The following ZNF148 variants were observed in gnomAD, a reference collection of about 807,000 sequenced individuals.
ZNF148 encodes Beta-Enolase Repressor Factor-1.
Under a neutral mutation model 67.7 loss-of-function variants are expected in ZNF148, and 7 were observed. That is an observed-to-expected ratio of 0.10 (90% CI 0.06 to 0.19). The LOEUF (loss-of-function observed/expected upper bound fraction) is 0.19. Ranked by LOEUF, ZNF148 falls within the 10% of genes least tolerant of loss-of-function variation. ZNF148 has a pLI of 1.00. For synonymous variants in ZNF148, 333 were observed against 330.7 expected (o/e 1.01, Z -0.08); for missense variants, 583 against 947.1 (o/e 0.62, Z 5.05).
chr3:125,349,038 A>G (rs1942047023), intron 1 of ZNF148, among the ~76,000 whole-genome samples: 1 of 152,242 alleles, frequency 6.6e-6, no homozygotes, highest in African/African-American at 2.4e-5. Context: ...GCTATATGAA[A>G]AAGAATTGAA....
chr3:125,293,992 G>A (rs1416093883), intron 4 of ZNF148, among the ~76,000 whole-genome samples: 1 of 152,138 alleles, frequency 6.6e-6, no homozygotes, highest in Admixed American at 6.5e-5. Flanking sequence ...GATAATCACA[G>A]TAAAGAAGGA....
At chr3:125,327,910 ATCC>A (rs908249418) in intron 2 of ZNF148, among the ~76,000 whole-genome samples, 1 of 152,176 alleles carries the variant, frequency 6.6e-6, no homozygotes, top group African/African-American at 2.4e-5. Context: ...TCTCATATGT[ATCC>A]TCCTATCAAA....
chr3:125,364,236 T>C (rs1056821649), intron 1 of ZNF148, among the ~76,000 whole-genome samples: 32 of 152,160 alleles, frequency 2.1e-4, no homozygotes, highest in Non-Finnish European at 4.3e-4. Flanking sequence ...CTGTCTCTAC[T>C]AAAAATGCAA....
At chr3:125,311,778 C>T (rs561002063) in intron 4 of ZNF148, among the ~76,000 whole-genome samples, 3 of 152,050 alleles carry the variant, frequency 2.0e-5, no homozygotes, top group Non-Finnish European at 2.9e-5. Flanking sequence ...TCACTATAAA[C>T]CCCTGGACAT....
chr3:125,321,996 CAA>C (rs990307279), intron 3 of ZNF148, among the ~76,000 whole-genome samples: 18 of 135,378 alleles, frequency 1.3e-4, no homozygotes, highest in Middle Eastern at 4.2e-3. Context: ...AGAACAACAA[CAA>C]AAAAGTTAAC....
At chr3:125,234,031 A>G (rs1935972252) in intron 8 of ZNF148, 92 bp from the exon 9 acceptor site, 1 of 1,428,348 alleles carries the variant, frequency 7.0e-7, no homozygotes, top group South Asian at 1.5e-5. Flanking sequence ...ATAAAGATAT[A>G]TTAATGCAAT....
In ZNF148 at chr3:125,270,302, T is replaced by C. The variant is rs1417494521; in HGVS notation, c.667+7424A>G. On this transcript the variant is annotated intron_variant, in intron 7 of 8. Transcript: ENST00000360647. ...TCGGAGGATCACTTGAGCCCAGGAG[T>C]TCCAGACCAGCCTGGGATACATAGG... 2.7e-5 allele frequency among the ~76,000 whole-genome samples: 4 copies of C among 150,148 alleles called. No homozygotes were observed. In the East Asian group the frequency reaches 7.9e-4, roughly 30 times the overall value.
chr3:125,295,962 G>A (rs1236607923), intron 4 of ZNF148, among the ~76,000 whole-genome samples: 1 of 151,858 alleles, frequency 6.6e-6, no homozygotes, highest in Non-Finnish European at 1.5e-5. Context: ...GTAACTGCTT[G>A]GATACACAAA....
chr3:125,306,797 T>C (rs1334791292), intron 4 of ZNF148, among the ~76,000 whole-genome samples: 2 of 151,980 alleles, frequency 1.3e-5, no homozygotes, highest in Non-Finnish European at 1.5e-5. Context: ...GAGGTTGAGA[T>C]TACAGTGAGC....
chr3:125,346,262 T>G (rs1191950455), intron 1 of ZNF148, among the ~76,000 whole-genome samples: 1 of 152,222 alleles, frequency 6.6e-6, no homozygotes, highest in East Asian at 1.9e-4. Context: ...AAACATTTGA[T>G]GAAATACAAC....
At chr3:125,342,606 C>A (rs932141225) in intron 1 of ZNF148, among the ~76,000 whole-genome samples, 1 of 150,650 alleles carries the variant, frequency 6.6e-6, no homozygotes, top group Non-Finnish European at 1.5e-5. Context: ...AAAAAAAAGT[C>A]TCTAGCACAC....
intron 4 of ZNF148, among the ~76,000 whole-genome samples, chr3:125,312,971 G>A (rs911020473): frequency 1.3e-5 from 2 of 152,074 alleles, no homozygotes; most frequent in African/African-American, 4.8e-5. Context: ...TTGAATGTGT[G>A]ATATTTTTCT....
chr3:125,249,274 G>C (rs1344490575), intron 7 of ZNF148, among the ~76,000 whole-genome samples: 6 of 152,098 alleles, frequency 3.9e-5, no homozygotes, highest in African/African-American at 1.4e-4. Flanking sequence ...TATTCATCAA[G>C]AAAAGCTAAT....
rs535660367 is a variant in ZNF148 at position 125,323,558 on chromosome 3, G to GT, written c.-152-115dup. 3.7e-3 allele frequency: 1,877 copies of GT among 505,772 alleles called. 5 individuals are homozygous for GT. The highest frequency in any genetic ancestry group is 4.7e-3 in the Non-Finnish European group (1,352 of 287,946). 31.3% of individuals were successfully genotyped at this position (505,772 alleles called of 1,614,324 possible). A position where few individuals can be genotyped will look rare whatever the true frequency, so the allele number is the denominator to read the frequency against. On this transcript the variant is annotated intron_variant, in intron 2 of 8. Transcript: ENST00000360647. ...GAAGTGAAAATTCTTTCTAAATACA[G>GT]TAAGTTATGACTGAATGACCAATGT...
chr3:125,279,728 C>T (rs1021569420), intron 5 of ZNF148, among the ~76,000 whole-genome samples: 5 of 139,114 alleles, frequency 3.6e-5, no homozygotes, highest in African/African-American at 8.3e-5. Flanking sequence ...ATATGAAAAG[C>T]GTGTCAGGAT....
chr3:125,344,942 A>C (rs545351211), intron 1 of ZNF148: 1 of 161,296 alleles, frequency 6.2e-6, no homozygotes, highest in South Asian at 1.8e-4. Context: ...TGGCCCAATT[A>C]TATGTTGCTT....
rs975168374 is a variant in ZNF148, at chr3:125,267,639, C to G, written c.667+10087G>C. On this transcript the variant is annotated intron_variant, in intron 7 of 8. Transcript: ENST00000360647. ...CAACACTATGCTGAACAGGCAAAAG[C>G]TGGACACATTCCCCCTAAGAACTGG... is the stretch of plus-strand genomic sequence containing the variant. Among the ~76,000 whole-genome samples the G allele has an allele frequency of 3.9e-5, 6 of 152,224 alleles. No individual in the cohort carries two copies. The East Asian group carries it at 1.2e-3, about 29-fold the overall frequency.
Position 125,230,204 on chromosome 3 carries a change from A to G in ZNF148, c.*2137T>C, listed in dbSNP as rs1474143597. On this transcript the variant is annotated 3_prime_UTR_variant, in exon 9 of 9. Transcript: ENST00000360647. ...ATTGCATCAAGTTCTCCATGAACAA[A>G]ATTTTTGATCAGGCTCCAAAACAAC... 1 of 152,554 alleles carries G rather than the reference A, an allele frequency of 6.6e-6. No homozygotes were observed. The highest frequency in any genetic ancestry group is 2.4e-5 in the African/African-American group (1 of 41,446). The allele number at this position is 152,554 out of a possible 1,614,324, so 9.5% of individuals were successfully genotyped here.
intron 1 of ZNF148, among the ~76,000 whole-genome samples, chr3:125,366,753 C>T (rs75012007): frequency 0.011 from 1,696 of 152,272 alleles, 34 homozygotes; most frequent in African/African-American, 0.038. Flanking sequence ...GGGCTTCTCA[C>T]CTCCAAGCCT....
Sources: allele counts gnomAD v4.1 joint callset (sites outside exome capture counted in the v4.1 genomes callset), GRCh38; gene constraint gnomAD v4.1.1; transcripts MANE v1.5; gene names NCBI Gene and HGNC (gene_info 2026-07-23, HGNC 2026-07-21).